RGS6: variants seen among roughly 807,000 people sequenced by gnomAD.
RGS6 encodes the protein regulator of G-protein signaling 6.
A neutral mutation model predicts 78.5 loss-of-function variants in RGS6; 30 were observed. The observed-to-expected ratio is 0.38, with a 90% CI of 0.29 to 0.52. The LOEUF (loss-of-function observed/expected upper bound fraction) is 0.52. RGS6 is among the 20% of genes least tolerant of loss of function. The pLI is 0.85. For synonymous variants in RGS6, 206 were observed against 206.0 expected (o/e 1.00, Z 0.00); for missense variants, 495 against 609.7 (o/e 0.81, Z 1.98).
intron 2 of RGS6, among the ~76,000 whole-genome samples, chr14:72,299,960 A>G (rs1362041520): frequency 6.6e-6 from 1 of 150,998 alleles, no homozygotes; most frequent in African/African-American, 2.4e-5. Context: ...TGGTTTTATC[A>G]TTTTTCTCTT....
the RGS6 span, among the ~76,000 whole-genome samples, chr14:72,579,913 C>T: frequency 7.2e-5 from 11 of 152,026 alleles, no homozygotes; most frequent in Non-Finnish European, 1.5e-4. Flanking sequence ...GGATGGGGCA[C>T]GAATTGAATC....
At chr14:72,621,454 G>A in the RGS6 span, among the ~76,000 whole-genome samples, 2 of 152,176 alleles carry the variant, frequency 1.3e-5, no homozygotes, top group African/African-American at 4.8e-5. Flanking sequence ...CCCCACCAGT[G>A]CAGAAATCCT....
intron 1 of RGS6, among the ~76,000 whole-genome samples, chr14:71,962,153 T>A (rs2093246678): frequency 6.6e-6 from 1 of 152,212 alleles, no homozygotes; most frequent in South Asian, 2.1e-4. Flanking sequence ...AATAGAAACA[T>A]TTCTACTGAA....
intron 2 of RGS6, among the ~76,000 whole-genome samples, chr14:72,043,368 A>G (rs898145197): frequency 6.6e-6 from 1 of 152,150 alleles, no homozygotes; most frequent in South Asian, 2.1e-4. Context: ...ATTTCTGACT[A>G]TACTATATTC....
In RGS6 at chr14:72,452,580, A is replaced by G. The variant is rs1169627845; in HGVS notation, c.185-1948A>G. Among the ~76,000 whole-genome samples, 4 of 152,264 alleles carry G rather than the reference A, an allele frequency of 2.6e-5. No homozygotes were observed. The East Asian group carries it at 7.7e-4, about 29-fold the overall frequency. On this transcript the variant is annotated intron_variant, in intron 3 of 17. Coordinates refer to ENST00000553525, the MANE Select transcript of RGS6 (RefSeq NM_001204424.2). The stretch of plus-strand genomic sequence containing the variant: ...GATTTCTGGGAAGAGGGCAATCCTC[A>G]TGAAGCCCCTCTGCTGGATCCCCAG...
At chr14:72,020,344 T>C (rs953536077) in intron 2 of RGS6, among the ~76,000 whole-genome samples, 2 of 152,210 alleles carry the variant, frequency 1.3e-5, no homozygotes, top group Non-Finnish European at 2.9e-5. Context: ...GCCTTTCTTT[T>C]CTGTGTTCAG....
chr14:72,083,539 A>G (rs1211341273), intron 2 of RGS6, among the ~76,000 whole-genome samples: 1 of 152,182 alleles, frequency 6.6e-6, no homozygotes, highest in East Asian at 1.9e-4. Context: ...AGGAGGGGCT[A>G]TGTGGATGTT....
At chr14:72,148,940 T>C (rs1298723132) in intron 2 of RGS6, among the ~76,000 whole-genome samples, 2 of 152,240 alleles carry the variant, frequency 1.3e-5, no homozygotes, top group East Asian at 1.9e-4. Flanking sequence ...CCAACAGTTA[T>C]GGCTTAAAAC....
intron 17 of RGS6, among the ~76,000 whole-genome samples, chr14:72,549,831 C>T (rs1056848241): frequency 6.6e-6 from 1 of 152,188 alleles, no homozygotes; most frequent in African/African-American, 2.4e-5. Flanking sequence ...CACCTCACTC[C>T]AGCCTGGGCG....
At chr14:72,465,656 G>A (rs2095889297) in intron 6 of RGS6, 102 bp from the exon 7 acceptor site, 1 of 780,244 alleles carries the variant, frequency 1.3e-6, no homozygotes, top group African/African-American at 1.7e-5. Flanking sequence ...ATGGATGGAT[G>A]GATGGGTGAA....
the RGS6 span, among the ~76,000 whole-genome samples, chr14:71,921,150 G>A: frequency 1.3e-5 from 2 of 152,142 alleles, no homozygotes; most frequent in Non-Finnish European, 2.9e-5. Flanking sequence ...AAACCACAAT[G>A]AGATATCATC....
At chr14:72,367,570 C>T (rs763059201) in intron 3 of RGS6, among the ~76,000 whole-genome samples, 5 of 152,158 alleles carry the variant, frequency 3.3e-5, no homozygotes, top group Non-Finnish European at 7.3e-5. Flanking sequence ...CTAGCTCTTC[C>T]TTATGAAATT....
At chr14:72,545,069 A>C (rs944870587) in intron 17 of RGS6, among the ~76,000 whole-genome samples, 3 of 152,258 alleles carry the variant, frequency 2.0e-5, no homozygotes, top group African/African-American at 7.2e-5. Flanking sequence ...ACCTAGACTC[A>C]GCAGAATCCC....
intron 15 of RGS6, among the ~76,000 whole-genome samples, chr14:72,524,465 T>A (rs946155432): frequency 2.0e-5 from 3 of 152,184 alleles, no homozygotes; most frequent in Non-Finnish European, 4.4e-5. Context: ...TGTAGGGCAT[T>A]TGTCTCTTTC....
intron 2 of RGS6, among the ~76,000 whole-genome samples, chr14:72,147,955 C>A (rs1436432944): frequency 6.6e-6 from 1 of 152,084 alleles, no homozygotes; most frequent in Admixed American, 6.6e-5. Context: ...CATGGTGAAA[C>A]CCCATCTCTA....
At chr14:72,313,464 CTTCTTCTCTT>C (rs1421658438) in intron 2 of RGS6, among the ~76,000 whole-genome samples, 1 of 152,218 alleles carries the variant, frequency 6.6e-6, no homozygotes, top group Non-Finnish European at 1.5e-5. Context: ...CTCTTTCTCT[CTTCTTCTCTT>C]GATAGCCTTA....
chr14:72,479,346 C>T (rs532225339), intron 12 of RGS6, among the ~76,000 whole-genome samples: 2 of 152,256 alleles, frequency 1.3e-5, no homozygotes, highest in East Asian at 3.9e-4. Context: ...CAGGGTTTCT[C>T]GATTGTGGCA....
At chr14:72,104,293 T>A (rs1240112110) in intron 2 of RGS6, among the ~76,000 whole-genome samples, 2 of 152,242 alleles carry the variant, frequency 1.3e-5, no homozygotes, top group Non-Finnish European at 2.9e-5. Context: ...TCATTCTTGA[T>A]TCTTACCACT....
At chr14:72,374,189 A>G (rs2084122169) in intron 3 of RGS6, among the ~76,000 whole-genome samples, 1 of 152,042 alleles carries the variant, frequency 6.6e-6, no homozygotes, top group Admixed American at 6.5e-5. Flanking sequence ...TGCTGCACCC[A>G]TTAACTCGTC....
Sources: gnomAD v4.1 joint callset for allele counts (sites outside exome capture counted in the v4.1 genomes callset) on GRCh38, gnomAD v4.1.1 for gene constraint, MANE v1.5 for transcripts, NCBI Gene and HGNC (gene_info 2026-07-23, HGNC 2026-07-21) for gene names.